Variants in PCGF5 observed in about 807,000 individuals in gnomAD.
PCGF5 encodes polycomb group ring finger 5, also known as polycomb group RING finger protein 5.
Under a neutral mutation model 44.3 loss-of-function variants are expected in PCGF5, and 9 were observed. That is an observed-to-expected ratio of 0.20 (90% CI 0.12 to 0.35). PCGF5 has a LOEUF of 0.35. PCGF5 is among the 10% of genes least tolerant of loss of function. The pLI is 1.00. For missense variants in PCGF5, 146 were observed against 305.3 expected, an observed-to-expected ratio of 0.48 and a Z score of 3.89; for synonymous variants, 95 against 102.5, an observed-to-expected ratio of 0.93 and a Z score of 0.44.
chr10:91,235,655 A>G (rs2133328050), intron 2 of PCGF5, among the ~76,000 whole-genome samples: 1 of 152,306 alleles, frequency 6.6e-6, no homozygotes, highest in African/African-American at 2.4e-5. Context: ...GGAGGAACCC[A>G]GTGGGAGGTA....
intron 3 of PCGF5, among the ~76,000 whole-genome samples, chr10:91,243,983 T>C (rs540304718): frequency 6.6e-6 from 1 of 152,252 alleles, no homozygotes; most frequent in Non-Finnish European, 1.5e-5. Context: ...ACTGGATGCC[T>C]GCTGTGTCTG....
At chr10:91,236,945 G>T (rs1457043056) in intron 2 of PCGF5, among the ~76,000 whole-genome samples, 1 of 152,122 alleles carries the variant, frequency 6.6e-6, no homozygotes, top group African/African-American at 2.4e-5. Flanking sequence ...CATATTTAAG[G>T]CTCCTAAAAT....
upstream of PCGF5, among the ~76,000 whole-genome samples, chr10:91,215,772 A>G (rs1252655807): frequency 6.6e-6 from 1 of 152,234 alleles, no homozygotes; most frequent in African/African-American, 2.4e-5. Flanking sequence ...GTCCACCCAT[A>G]GTGCTGCTGC....
chr10:91,182,791 T>G (rs1422931683), intron 1 of PCGF5, among the ~76,000 whole-genome samples: 2 of 152,146 alleles, frequency 1.3e-5, no homozygotes, highest in African/African-American at 4.8e-5. Context: ...CTTAATTTCA[T>G]TATTTGAGAT....
chr10:91,219,870 T>C (rs1347663548), upstream of PCGF5, among the ~76,000 whole-genome samples: 1 of 152,192 alleles, frequency 6.6e-6, no homozygotes, highest in African/African-American at 2.4e-5. Context: ...GGTTTGCCAC[T>C]TAGAGTCATC....
intron 6 of PCGF5, among the ~76,000 whole-genome samples, chr10:91,252,502 A>G (rs1026799982): frequency 2.0e-5 from 3 of 152,066 alleles, no homozygotes; most frequent in Non-Finnish European, 4.4e-5. Flanking sequence ...CTTTCACTCA[A>G]GGAACTTGGT....
At position 91,251,317 on chromosome 10, in the gene PCGF5, G is replaced by A. The variant is rs570347532; in HGVS notation, c.351G>A (p.Pro117=). 2.2e-5 allele frequency: 35 copies of A among 1,609,456 alleles called. No individual in the cohort carries two copies. Among genetic ancestry groups the A allele is most frequent in the Middle Eastern group, 1.7e-4 (1 of 6,022 alleles). The change falls in exon 6 of 10, where the codon CCG becomes CCA. Residue 117 remains proline, a synonymous_variant. Coordinates refer to ENST00000336126, the MANE Select transcript of PCGF5 (RefSeq NM_032373.5). ...ATGATACTTCAAAAGCTGACAAACCGAAAGTAGATGAAGAAGGTGATGAAA... is the reference window on the plus strand; with the variant it reads ...ATGATACTTCAAAAGCTGACAAACCAAAAGTAGATGAAGAAGGTGATGAAA... ...GQDDTSKADK[P]KVDEEGDENE...
upstream of PCGF5, chr10:91,220,631 C>G (rs1051284352): frequency 2.0e-5 from 3 of 151,170 alleles, no homozygotes; most frequent in Admixed American, 6.6e-5. Flanking sequence ...GGAGGCGGCA[C>G]CGGACCTGGG....
chr10:91,224,986 T>A (rs1844778679), intron 2 of PCGF5, among the ~76,000 whole-genome samples: 1 of 152,026 alleles, frequency 6.6e-6, no homozygotes, highest in South Asian at 2.1e-4. Flanking sequence ...ATTTTTGGAT[T>A]CATCCAGCAA....
At chr10:91,159,499 G>T (rs74149061), upstream of PCGF5, among the ~76,000 whole-genome samples, 27,280 of 152,012 alleles carry the variant, frequency 0.18, 3,554 homozygotes, top group African/African-American at 0.37. Context: ...TTTTCACTAT[G>T]TAAGGATACC....
At chr10:91,162,503 T>C (rs1019971932), upstream of PCGF5, among the ~76,000 whole-genome samples, 6 of 152,064 alleles carry the variant, frequency 3.9e-5, no homozygotes, top group African/African-American at 7.2e-5. Flanking sequence ...GGGGAGAAGG[T>C]GCCCCCTCAG....
chr10:91,216,233 C>T (rs148664640), upstream of PCGF5, among the ~76,000 whole-genome samples: 398 of 152,264 alleles, frequency 2.6e-3, no homozygotes, highest in Admixed American at 4.2e-3. Context: ...ACAGGAGGCT[C>T]TTTGGCAGCT....
rs1846369792 is a variant in PCGF5 at position 91,278,416 on chromosome 10, A to G, written c.*100A>G. The G allele has an allele frequency of 1.9e-6, 2 of 1,064,812 alleles. No homozygotes were observed. Among genetic ancestry groups the G allele is most frequent in the Non-Finnish European group, 2.9e-6 (2 of 689,958 alleles). The allele number at this position is 1,064,812 out of a possible 1,614,324, so 66.0% of individuals were successfully genotyped here. A position where few individuals can be genotyped will look rare whatever the true frequency, so the allele number is the denominator to read the frequency against. On this transcript the variant is annotated 3_prime_UTR_variant, in exon 10 of 10. Coordinates refer to ENST00000336126, the MANE Select transcript of PCGF5 (RefSeq NM_032373.5). Reference sequence around the variant, plus strand: ...GTGTGTGGACTAGAGGAACACAACCAGATTTTCAGCATGCAAATAAGGCCA... The same window carrying G: ...GTGTGTGGACTAGAGGAACACAACCGGATTTTCAGCATGCAAATAAGGCCA...
chr10:91,201,997 C>G (rs962255441), intron 1 of PCGF5, among the ~76,000 whole-genome samples: 3 of 152,074 alleles, frequency 2.0e-5, no homozygotes, highest in Non-Finnish European at 4.4e-5. Context: ...GACTTGGGAG[C>G]TACACTGTCC....
At chr10:91,199,151 C>T (rs1017193610) in intron 1 of PCGF5, among the ~76,000 whole-genome samples, 1 of 152,152 alleles carries the variant, frequency 6.6e-6, no homozygotes, top group African/African-American at 2.4e-5. Flanking sequence ...AGGGATCATC[C>T]CTGCTTCCAC....
chr10:91,228,382 A>G (rs912596699), intron 2 of PCGF5, among the ~76,000 whole-genome samples: 3 of 152,124 alleles, frequency 2.0e-5, no homozygotes, highest in Non-Finnish European at 2.9e-5. Flanking sequence ...TTCTTTCCTC[A>G]GAAAAAAAAA....
intron 1 of PCGF5, among the ~76,000 whole-genome samples, chr10:91,163,888 C>T (rs1301845652): frequency 2.6e-5 from 4 of 152,168 alleles, no homozygotes; most frequent in Non-Finnish European, 5.9e-5. Flanking sequence ...ATCCCCTCCC[C>T]GCCAACACTC....
chr10:91,204,548 C>G (rs1844306382), intron 1 of PCGF5, among the ~76,000 whole-genome samples: 1 of 152,118 alleles, frequency 6.6e-6, no homozygotes. Flanking sequence ...TACTAAAACA[C>G]AGAATAAGTG....
intron 7 of PCGF5, 51 bp downstream of exon 7, chr10:91,261,475 G>A: frequency 1.5e-6 from 2 of 1,356,658 alleles, no homozygotes; most frequent in East Asian, 2.6e-5. Flanking sequence ...CTGATTTGAA[G>A]TAAAATTCTA....
Sources: gnomAD v4.1 joint callset for allele counts (sites outside exome capture counted in the v4.1 genomes callset) on GRCh38, gnomAD v4.1.1 for gene constraint, MANE v1.5 for transcripts, NCBI Gene and HGNC (gene_info 2026-07-23, HGNC 2026-07-21) for gene names.